The following CRTC1 variants were observed in gnomAD, a reference collection of about 807,000 sequenced individuals.
The protein encoded by CRTC1 is CREB regulated transcription coactivator 1.
A neutral mutation model predicts 66.1 loss-of-function variants in CRTC1; 18 were observed. That is an observed-to-expected ratio of 0.27 (90% confidence interval 0.19 to 0.40). CRTC1 has a LOEUF of 0.40. CRTC1 is among the 10% of genes least tolerant of loss of function. CRTC1 has a pLI of 1.00. For missense variants in CRTC1, 669 were observed against 887.9 expected, an observed-to-expected ratio of 0.75 and a Z score of 3.13; for synonymous variants, 416 against 398.8, an observed-to-expected ratio of 1.04 and a Z score of -0.51.
At chr19:18,688,591 A>G (rs2052746850) in intron 1 of CRTC1, among the ~76,000 whole-genome samples, 2 of 152,042 alleles carry the variant, frequency 1.3e-5, no homozygotes, top group South Asian at 4.1e-4. Flanking sequence ...GGCATGCACC[A>G]CCACGCCTGA....
chr19:18,761,027 G>A (rs1261603271), intron 8 of CRTC1, among the ~76,000 whole-genome samples: 3 of 151,984 alleles, frequency 2.0e-5, no homozygotes, highest in Non-Finnish European at 4.4e-5. Context: ...TCCAGGGTCT[G>A]GGATGTCCAC....
chr19:18,777,348 C>T lies in CRTC1; in HGVS notation c.1871C>T (p.Ala624Val). 1 of 1,606,672 alleles carries T rather than the reference C, an allele frequency of 6.2e-7. No homozygotes were observed. The highest frequency in any genetic ancestry group is 8.5e-7 in the Non-Finnish European group (1 of 1,179,926). The change falls in exon 14 of 14, where the codon GCC becomes GTC. Residue 624 changes from alanine to valine, a missense_variant. By Grantham distance (64) the Ala-to-Val change is moderately conservative. This residue lies in a region of CRTC1 where 91 missense variants were observed against 99.1 expected (regional missense o/e 0.92). Transcript: ENST00000321949. This position sits in a 1 kb window ranked among gnomAD's most constrained non-coding sequence, Gnocchi z 5.5. The part of the protein sequence containing the change: ...NDPDMVLADP[A>V]TEDTFRMDRL ...CCCGACATGGTTCTGGCCGACCCAG[C>T]CACCGAGGACACCTTCCGGATGGAC...
At chr19:18,754,084 G>A (rs1440290326) in intron 6 of CRTC1, among the ~76,000 whole-genome samples, 4 of 143,580 alleles carry the variant, frequency 2.8e-5, no homozygotes, top group Non-Finnish European at 4.5e-5. Flanking sequence ...CTGGGCAACA[G>A]AGCAAGACTC....
At chr19:18,710,337 C>T (rs1330151145) in intron 1 of CRTC1, among the ~76,000 whole-genome samples, 2 of 152,206 alleles carry the variant, frequency 1.3e-5, no homozygotes, top group African/African-American at 2.4e-5. Flanking sequence ...CGTTCCTCGA[C>T]GTCCCTCCCT....
At chr19:18,689,839 C>CAA (rs1191147263) in intron 1 of CRTC1, among the ~76,000 whole-genome samples, 1 of 151,558 alleles carries the variant, frequency 6.6e-6, no homozygotes, top group Non-Finnish European at 1.5e-5. Flanking sequence ...CTTCATTTCT[C>CAA]AGAGCATGTG....
Position 18,777,122 on chromosome 19 carries a change from G to C in CRTC1, c.1694-49G>C, listed in dbSNP as rs369675653. 3.8e-6 allele frequency: 4 copies of C among 1,063,040 alleles called. No individual in the cohort carries two copies. The allele number at this position is 1,063,040 out of a possible 1,614,324, so 65.9% of individuals were successfully genotyped here. The stretch of plus-strand genomic sequence containing the variant: ...CCTGGTCCGACACATGGATGCGAGC[G>C]ATGGAGCCAGGGCTAAGCAGTGCCT... On this transcript the variant is annotated intron_variant, in intron 13 of 13. Transcript: ENST00000321949. This position sits in a 1 kb window ranked among gnomAD's most constrained non-coding sequence, Gnocchi z 5.5.
At chr19:18,683,862 C>G in intron 1 of CRTC1, 34 bp downstream of exon 1, 2 of 1,079,650 alleles carry the variant, frequency 1.9e-6, no homozygotes, top group Non-Finnish European at 2.3e-6. Context: ...CCTTCAGGGC[C>G]GGCGGAGGGA....
chr19:18,748,374 ATTTTTTTTTTTTT>A (rs777077338), intron 4 of CRTC1, among the ~76,000 whole-genome samples: 35 of 75,400 alleles, frequency 4.6e-4, no homozygotes, highest in East Asian at 3.4e-3. Flanking sequence ...CTTCCAGCTG[ATTTTTTTTTTTTT>A]TTTTTTTTTT....
chr19:18,739,037 C>T (rs1387846448), intron 1 of CRTC1, among the ~76,000 whole-genome samples: 2 of 152,190 alleles, frequency 1.3e-5, no homozygotes, highest in Non-Finnish European at 2.9e-5. Flanking sequence ...CCCTCCAAAT[C>T]GCCAGTGGGG....
chr19:18,686,046 ATT>A (rs2052677090), intron 1 of CRTC1, among the ~76,000 whole-genome samples: 2 of 151,872 alleles, frequency 1.3e-5, no homozygotes, highest in African/African-American at 2.4e-5. Flanking sequence ...ATTCCAGAAC[ATT>A]TTTTATCCAC....
intron 1 of CRTC1, among the ~76,000 whole-genome samples, chr19:18,685,471 A>G (rs749893050): frequency 1.3e-5 from 2 of 152,192 alleles, no homozygotes; most frequent in Non-Finnish European, 2.9e-5. Flanking sequence ...AGCCTGGCCA[A>G]CGTGGTGAAA....
At chr19:18,696,315 G>A (rs971126437) in intron 1 of CRTC1, among the ~76,000 whole-genome samples, 1 of 152,176 alleles carries the variant, frequency 6.6e-6, no homozygotes, top group South Asian at 2.1e-4. Flanking sequence ...GAGCAGGTAC[G>A]ACAGTGGGTG....
intron 1 of CRTC1, among the ~76,000 whole-genome samples, chr19:18,735,065 CA>C (rs1191568884): frequency 6.6e-6 from 1 of 152,232 alleles, no homozygotes; most frequent in Admixed American, 6.5e-5. Context: ...GGCTTCTGAG[CA>C]AAATGCGTGA....
chr19:18,765,342 A>G, intron 8 of CRTC1, 62 bp from the exon 9 acceptor site: 1 of 1,560,130 alleles, frequency 6.4e-7, no homozygotes, highest in Non-Finnish European at 8.7e-7. Context: ...TGGGTGTGTA[A>G]GCAGCCCTTT....
chr19:18,763,542 C>T (rs1568534091), intron 8 of CRTC1, among the ~76,000 whole-genome samples: 1 of 152,162 alleles, frequency 6.6e-6, no homozygotes, highest in Non-Finnish European at 1.5e-5. Flanking sequence ...ATGAAATCGC[C>T]GGACAACGCG....
At chr19:18,735,449 C>T (rs750259969) in intron 1 of CRTC1, among the ~76,000 whole-genome samples, 13 of 152,172 alleles carry the variant, frequency 8.5e-5, no homozygotes, top group Admixed American at 2.0e-4. Context: ...TGGATCGAGG[C>T]GCACGCCAGC....
At chr19:18,725,546 G>A (rs1265758943) in intron 1 of CRTC1, among the ~76,000 whole-genome samples, 1 of 152,122 alleles carries the variant, frequency 6.6e-6, no homozygotes, top group Non-Finnish European at 1.5e-5. Context: ...GTTGGAGAAG[G>A]CATCAGTGCC....
intron 1 of CRTC1, among the ~76,000 whole-genome samples, chr19:18,730,435 C>G (rs2053860840): frequency 6.6e-6 from 1 of 152,114 alleles, no homozygotes; most frequent in Non-Finnish European, 1.5e-5. Context: ...GGCCTGTCTT[C>G]AGGATGGGCC....
chr19:18,685,136 G>C (rs1472301760), intron 1 of CRTC1, among the ~76,000 whole-genome samples: 1 of 152,138 alleles, frequency 6.6e-6, no homozygotes, highest in Non-Finnish European at 1.5e-5. Context: ...CTTTCAGTCT[G>C]TGTTACTTTG....
Sources: allele counts gnomAD v4.1 joint callset (sites outside exome capture counted in the v4.1 genomes callset), GRCh38; gene constraint gnomAD v4.1.1; regional missense constraint gnomAD v4.1.1; non-coding constraint Gnocchi (gnomAD v3.1); transcripts MANE v1.5; gene names NCBI Gene and HGNC (gene_info 2026-07-23, HGNC 2026-07-21).